Variants in MAEA observed in about 807,000 individuals in gnomAD.
MAEA encodes E3 ubiquitin-protein transferase MAEA.
A neutral mutation model predicts 46.2 loss-of-function variants in MAEA; 22 were observed. The ratio of observed to expected loss-of-function variants is 0.48; its 90% CI spans 0.34 to 0.68. The LOEUF (loss-of-function observed/expected upper bound fraction) is 0.68, where lower values mean the gene tolerates loss of function less well. MAEA is among the 30% of genes least tolerant of loss of function. MAEA has a pLI of 0.01. For missense variants in MAEA, 393 were observed against 558.1 expected, an observed-to-expected ratio of 0.70 and a Z score of 2.98; for synonymous variants, 246 against 222.6, an observed-to-expected ratio of 1.11 and a Z score of -0.94.
chr4:1,337,120 T>A, intron 7 of MAEA, 126 bp downstream of exon 7: 2 of 1,192,228 alleles, frequency 1.7e-6, no homozygotes, highest in Non-Finnish European at 2.4e-6. Context: ...AGCTCCCGTG[T>A]GCTGCACTTG....
At chr4:1,307,869 G>T (rs1483923418) in intron 1 of MAEA, among the ~76,000 whole-genome samples, 3 of 152,078 alleles carry the variant, frequency 2.0e-5, no homozygotes, top group Non-Finnish European at 4.4e-5. Flanking sequence ...CTACCTGGAG[G>T]ACATCTTCCC....
chr4:1,321,793 A>G (rs1738144967), intron 3 of MAEA, among the ~76,000 whole-genome samples: 1 of 151,680 alleles, frequency 6.6e-6, no homozygotes, highest in Non-Finnish European at 1.5e-5. Context: ...TTCCACTGCT[A>G]GGCACTGAGC....
At chr4:1,330,265 C>G in intron 5 of MAEA, 1 of 367,012 alleles carries the variant, frequency 2.7e-6, no homozygotes, top group Non-Finnish European at 3.6e-6. Flanking sequence ...ACACCCACAC[C>G]TCAGCCTGGC....
At chr4:1,294,774 G>A (rs1734462895) in intron 1 of MAEA, among the ~76,000 whole-genome samples, 1 of 144,660 alleles carries the variant, frequency 6.9e-6, no homozygotes, top group Admixed American at 7.0e-5. Flanking sequence ...AGGTTGAGGT[G>A]ATGTTGGACA....
intron 4 of MAEA, among the ~76,000 whole-genome samples, chr4:1,326,991 C>T (rs1010970161): frequency 6.6e-6 from 1 of 151,982 alleles, no homozygotes; most frequent in East Asian, 1.9e-4. Context: ...TCCCTGTCTC[C>T]TCCCCGCCCT....
intron 6 of MAEA, among the ~76,000 whole-genome samples, chr4:1,334,652 C>T (rs1712509802): frequency 6.6e-6 from 1 of 152,234 alleles, no homozygotes; most frequent in Non-Finnish European, 1.5e-5. Flanking sequence ...GCAGGCAGTG[C>T]CAGCCCCAAG....
intron 5 of MAEA, chr4:1,329,585 C>G (rs1739278695): frequency 1.0e-6 from 1 of 985,220 alleles, no homozygotes; most frequent in Non-Finnish European, 1.2e-6. Flanking sequence ...TGAGCTACAT[C>G]CTCTGCTGGG....
At chr4:1,334,642 G>A (rs1712509124) in intron 6 of MAEA, among the ~76,000 whole-genome samples, 1 of 152,244 alleles carries the variant, frequency 6.6e-6, no homozygotes, top group African/African-American at 2.4e-5. Context: ...AAAGAGGGAG[G>A]CAGGCAGTGC....
At position 1,302,378 on chromosome 4, in the gene MAEA, T is replaced by C. The variant is rs1423780826; in HGVS notation, c.70-9601T>C. ...AGCCTGAGCTGACTAAGACAGCTGC[T>C]CAGAACAGGGAGAAAATGTTTGCCA... On this transcript the variant is annotated intron_variant, in intron 1 of 8. Coordinates refer to ENST00000303400, the MANE Select transcript of MAEA (RefSeq NM_001017405.3). Among the ~76,000 whole-genome samples, 3 of 152,366 alleles carry C rather than the reference T, an allele frequency of 2.0e-5. No individual in the cohort carries two copies. In the East Asian group the frequency reaches 5.8e-4, roughly 29 times the overall value.
intron 6 of MAEA, among the ~76,000 whole-genome samples, chr4:1,334,066 ATGCCCG>A (rs1712346083): frequency 1.7e-4 from 1 of 6,032 alleles, no homozygotes; most frequent in African/African-American, 1.4e-3. Context: ...ACCCACCCCC[ATGCCCG>A]TGTGCTCACC....
chr4:1,294,531 G>T (rs964894944), intron 1 of MAEA, among the ~76,000 whole-genome samples: 1 of 151,160 alleles, frequency 6.6e-6, no homozygotes, highest in Admixed American at 6.7e-5. Context: ...CCTAAGCAAG[G>T]CACCGCCGCC....
Position 1,335,691 on chromosome 4 carries a change from T to C in MAEA, c.766-1170T>C, listed in dbSNP as rs572235662. 11 of 979,930 alleles carry C rather than the reference T, an allele frequency of 1.1e-5. No individual in the cohort carries two copies. The African/African-American group carries it at 2.0e-4, about 18-fold the overall frequency. 60.7% of individuals were successfully genotyped at this position (979,930 alleles called of 1,614,324 possible). On this transcript the variant is annotated intron_variant, in intron 6 of 8. Coordinates refer to ENST00000303400, the MANE Select transcript of MAEA (RefSeq NM_001017405.3). ...AGTCAGCACTGGCCCCATGGCGTGTTGAAACCACAGAGTTAAGTCAGCACT... is the reference window on the plus strand; with the variant it reads ...AGTCAGCACTGGCCCCATGGCGTGTCGAAACCACAGAGTTAAGTCAGCACT...
rs765489677 is a variant in MAEA, at chr4:1,312,107, C to T, written c.198C>T (p.Ser66=). 44 of 1,613,766 alleles carry T rather than the reference C, an allele frequency of 2.7e-5. 2 individuals carry two copies. The highest frequency in any genetic ancestry group is 7.7e-5 in the South Asian group (7 of 91,092). Reference sequence around the variant, plus strand: ...TGAGCGGCTGCCCCGCCGTGGACTCCGTGGTCAGCCTGCTGGACGGCGTGG... The same window carrying T: ...TGAGCGGCTGCCCCGCCGTGGACTCTGTGGTCAGCCTGCTGGACGGCGTGG... The part of the protein sequence containing the change: ...KTLSGCPAVD[S]VVSLLDGVVE... The change falls in exon 2 of 9, where the codon TCC becomes TCT. Residue 66 remains serine, a synonymous_variant. Coordinates refer to ENST00000303400, the MANE Select transcript of MAEA (RefSeq NM_001017405.3).
chr4:1,310,373 A>G (rs17164620), intron 1 of MAEA, among the ~76,000 whole-genome samples: 13,175 of 152,226 alleles, frequency 0.087, 1,231 homozygotes, highest in East Asian at 0.42. Context: ...CGTCTTTCCT[A>G]AGCAGTGCCG....
At chr4:1,317,363 C>T (rs185599909) in intron 3 of MAEA, among the ~76,000 whole-genome samples, 32 of 140,024 alleles carry the variant, frequency 2.3e-4, no homozygotes, top group Middle Eastern at 3.6e-3. Context: ...CCCCACACTC[C>T]GGACTCATCT....
chr4:1,313,639 A>G (rs546871514), intron 2 of MAEA, among the ~76,000 whole-genome samples: 1 of 152,264 alleles, frequency 6.6e-6, no homozygotes, highest in South Asian at 2.1e-4. Flanking sequence ...AGGCAGAAGG[A>G]TTGCTTGAGC....
At chr4:1,335,136 T>C in intron 6 of MAEA, 1 of 985,468 alleles carries the variant, frequency 1.0e-6, no homozygotes, top group Non-Finnish European at 1.2e-6. Context: ...AACCTGAGGT[T>C]ATTTAGGGAC....
At chr4:1,316,516 C>T (rs552760218) in intron 3 of MAEA, among the ~76,000 whole-genome samples, 287 of 152,244 alleles carry the variant, frequency 1.9e-3, no homozygotes, top group Non-Finnish European at 3.3e-3. Flanking sequence ...GGATTGTGCC[C>T]CATGGCCCTG....
chr4:1,295,272 G>A (rs1734524820), intron 1 of MAEA, among the ~76,000 whole-genome samples: 2 of 152,122 alleles, frequency 1.3e-5, no homozygotes, highest in South Asian at 4.1e-4. Context: ...GGTAACTGCT[G>A]ATGATTTTTA....
Sources: allele counts gnomAD v4.1 joint callset (sites outside exome capture counted in the v4.1 genomes callset), GRCh38; gene constraint gnomAD v4.1.1; transcripts MANE v1.5; gene names NCBI Gene and HGNC (gene_info 2026-07-23, HGNC 2026-07-21).